Variants in TAOK1 observed in about 807,000 individuals in gnomAD.
The protein encoded by TAOK1 is serine/threonine-protein kinase TAO1.
A neutral mutation model predicts 138.3 loss-of-function variants in TAOK1; 21 were observed. That is an observed-to-expected ratio of 0.15 (90% CI 0.11 to 0.22). The LOEUF (loss-of-function observed/expected upper bound fraction) is 0.22. TAOK1 is among the 10% of genes least tolerant of loss of function. The probability of loss-of-function intolerance (pLI) is 1.00; values close to 1 mark genes in which losing one functional copy is unlikely to be tolerated. For synonymous variants in TAOK1, 361 were observed against 398.4 expected (o/e 0.91, Z 1.12); for missense variants, 651 against 1,227.7 (o/e 0.53, Z 7.02).
chr17:29,408,693 C>T (rs1379217038), intron 1 of TAOK1, among the ~76,000 whole-genome samples: 5 of 151,742 alleles, frequency 3.3e-5, no homozygotes, highest in African/African-American at 9.7e-5. Flanking sequence ...CCTGTGCAGC[C>T]GCTGATGTGA....
intron 1 of TAOK1, among the ~76,000 whole-genome samples, chr17:29,410,807 T>A (rs1905124140): frequency 6.8e-6 from 1 of 146,244 alleles, no homozygotes; most frequent in South Asian, 2.2e-4. Flanking sequence ...GGCTAACGTA[T>A]TTTTTTTAGT....
intron 1 of TAOK1, among the ~76,000 whole-genome samples, chr17:29,433,327 A>C (rs556903229): frequency 6.6e-6 from 1 of 151,362 alleles, no homozygotes; most frequent in East Asian, 2.0e-4. Flanking sequence ...GCTACTCAGG[A>C]GGCTGAGGCA....
intron 19 of TAOK1, among the ~76,000 whole-genome samples, chr17:29,541,089 GA>G (rs910050780): frequency 7.5e-4 from 82 of 108,774 alleles, no homozygotes; most frequent in Non-Finnish European, 1.1e-3. Flanking sequence ...TGCTTCCCAT[GA>G]AAAAAATTTT....
rs1300745209 is a variant in TAOK1 at position 29,508,174 on chromosome 17, G to C, written c.1575+42G>C. The C allele has an allele frequency of 3.9e-6, 6 of 1,531,412 alleles. 1 individual carries two copies. The South Asian group carries it at 6.8e-5, about 17-fold the overall frequency. The allele number at this position is 1,531,412 out of a possible 1,614,324, so 94.9% of individuals were successfully genotyped here. Reference sequence around the variant, plus strand: ...TATTACTTTGCTTATTTTAGGTTTTGAATGTCTCAGAATTAACCAACATGG... The same window carrying C: ...TATTACTTTGCTTATTTTAGGTTTTCAATGTCTCAGAATTAACCAACATGG... On this transcript the variant is annotated intron_variant, in intron 14 of 19. Transcript: ENST00000261716.
At chr17:29,489,470 C>G (rs2031250123) in intron 8 of TAOK1, among the ~76,000 whole-genome samples, 194 bp from the exon 9 acceptor site, 1 of 151,878 alleles carries the variant, frequency 6.6e-6, no homozygotes, top group African/African-American at 2.4e-5. Context: ...TGCACTCCAG[C>G]CTGGGTGACA....
At chr17:29,506,737 T>C (rs1027600584) in intron 13 of TAOK1, among the ~76,000 whole-genome samples, 1 of 152,208 alleles carries the variant, frequency 6.6e-6, no homozygotes, top group Non-Finnish European at 1.5e-5. Context: ...AATTATGATT[T>C]GTCAAAACAT....
At chr17:29,530,809 A>C (rs2032087770) in intron 18 of TAOK1, 190 bp downstream of exon 18, 5 of 605,344 alleles carry the variant, frequency 8.3e-6, no homozygotes, top group Non-Finnish European at 1.5e-5. Flanking sequence ...TAGAATTCTC[A>C]TTGATACATT....
intron 9 of TAOK1, 23 bp downstream of exon 9, chr17:29,489,780 T>C: frequency 6.8e-7 from 1 of 1,474,572 alleles, no homozygotes; most frequent in Non-Finnish European, 9.2e-7. Context: ...AATATATATA[T>C]TGCTCAGTGT....
chr17:29,445,417 A>G (rs1186636689), intron 1 of TAOK1: 3 of 152,300 alleles, frequency 2.0e-5, no homozygotes, highest in Admixed American at 6.6e-5. Context: ...TGTTATTTCT[A>G]ATCTTTAGAG....
rs938933161 is a variant in TAOK1, at chr17:29,547,793, C to G, written c.*4771C>G. 2.6e-5 allele frequency: 4 copies of G among 152,092 alleles called. No homozygotes were observed. The highest frequency in any genetic ancestry group is 9.7e-5 in the African/African-American group (4 of 41,426). 9.4% of individuals were successfully genotyped at this position (152,092 alleles called of 1,614,324 possible). A position where few individuals can be genotyped will look rare whatever the true frequency, so the allele number is the denominator to read the frequency against. On this transcript the variant is annotated 3_prime_UTR_variant, in exon 20 of 20. Transcript: ENST00000261716. Reference sequence around the variant, plus strand: ...TTGTAGCATTGCCTTTTAAAAGAGACTCACTCACTCTTAGTTTTTAAGAAC... The same window carrying G: ...TTGTAGCATTGCCTTTTAAAAGAGAGTCACTCACTCTTAGTTTTTAAGAAC...
At chr17:29,518,496 CAACT>C (rs1369231155) in intron 16 of TAOK1, among the ~76,000 whole-genome samples, 4 of 152,146 alleles carry the variant, frequency 2.6e-5, no homozygotes, top group African/African-American at 7.2e-5. Context: ...AACAGACAGA[CAACT>C]AACTAAATAC....
chr17:29,447,038 C>CTT (rs879753236), intron 1 of TAOK1, among the ~76,000 whole-genome samples: 7 of 131,554 alleles, frequency 5.3e-5, no homozygotes, highest in East Asian at 2.2e-4. Context: ...CTGTGGCTGG[C>CTT]TTTTTTTTTT....
intron 18 of TAOK1, among the ~76,000 whole-genome samples, chr17:29,533,058 G>A (rs1273496422): frequency 1.1e-4 from 14 of 127,764 alleles, no homozygotes; most frequent in Non-Finnish European, 8.6e-5. Context: ...GCTGCCGGGC[G>A]GAGATGCTCC....
At chr17:29,460,288 T>C (rs1336944147) in intron 2 of TAOK1, among the ~76,000 whole-genome samples, 1 of 152,098 alleles carries the variant, frequency 6.6e-6, no homozygotes, top group Non-Finnish European at 1.5e-5. Context: ...ACCTCCCGGG[T>C]TCATGCAATT....
chr17:29,390,832 C>G lies in TAOK1; in HGVS notation c.-287C>G, dbSNP rs1292993296. 2 of 151,088 alleles carry G rather than the reference C, an allele frequency of 1.3e-5. No individual in the cohort carries two copies. The highest frequency in any genetic ancestry group is 4.8e-5 in the African/African-American group (2 of 41,306). 9.4% of individuals were successfully genotyped at this position (151,088 alleles called of 1,614,324 possible). A position where few individuals can be genotyped will look rare whatever the true frequency, so the allele number is the denominator to read the frequency against. On this transcript the variant is annotated 5_prime_UTR_variant, in exon 1 of 20. Coordinates refer to ENST00000261716, the MANE Select transcript of TAOK1 (RefSeq NM_020791.4). ...CCCCGGTCGTCCCCTCGCCCCCCCCCCCACCCCCCGCCGCCGCCGCCCCTT... is the reference window on the plus strand; with the variant it reads ...CCCCGGTCGTCCCCTCGCCCCCCCCGCCACCCCCCGCCGCCGCCGCCCCTT...
chr17:29,467,280 C>CTT (rs930652260), intron 3 of TAOK1, 64 bp downstream of exon 3: 342 of 887,548 alleles, frequency 3.9e-4, no homozygotes, highest in South Asian at 7.9e-4. Context: ...TATATACATT[C>CTT]TTTTTTTTTT....
Position 29,508,108 on chromosome 17 carries a change from A to G in TAOK1, c.1551A>G (p.Lys517=). The G allele has an allele frequency of 1.2e-6, 2 of 1,614,082 alleles. No individual in the cohort carries two copies. Among genetic ancestry groups the G allele is most frequent in the East Asian group, 2.2e-5 (1 of 44,876 alleles). The change falls in exon 14 of 20, where the codon AAA becomes AAG. Residue 517 remains lysine (K), a synonymous_variant. Coordinates refer to ENST00000261716, the MANE Select transcript of TAOK1 (RefSeq NM_020791.4). ...FAAEMEKLIK[K]HQAAMEKEAK... ...CAGAAATGGAGAAACTTATCAAGAAACACCAGGCTGCCATGGAGAAAGAGG... is the reference window on the plus strand; with the variant it reads ...CAGAAATGGAGAAACTTATCAAGAAGCACCAGGCTGCCATGGAGAAAGAGG...
chr17:29,423,922 G>A lies in TAOK1; in HGVS notation c.-94-27533G>A, dbSNP rs939495606. 4.0e-5 allele frequency among the ~76,000 whole-genome samples: 6 copies of A among 151,812 alleles called. No individual in the cohort carries two copies. The South Asian group carries it at 8.3e-4, about 21-fold the overall frequency. On this transcript the variant is annotated intron_variant, in intron 1 of 19. Transcript: ENST00000261716. ...AAATTAGCCAGGCGTGGTAGTGGACGCCTGTAATCCCAGCTACTCTGGAGG... is the reference window on the plus strand; with the variant it reads ...AAATTAGCCAGGCGTGGTAGTGGACACCTGTAATCCCAGCTACTCTGGAGG...
At chr17:29,506,732 T>C (rs1598513017) in intron 13 of TAOK1, among the ~76,000 whole-genome samples, 1 of 152,228 alleles carries the variant, frequency 6.6e-6, no homozygotes, top group Admixed American at 6.5e-5. Context: ...TATACAATTA[T>C]GATTTGTCAA....
Sources: allele counts gnomAD v4.1 joint callset (sites outside exome capture counted in the v4.1 genomes callset), GRCh38; gene constraint gnomAD v4.1.1; transcripts MANE v1.5; gene names NCBI Gene and HGNC (gene_info 2026-07-23, HGNC 2026-07-21).